The following GPC6 variants were observed in gnomAD, a reference collection of about 807,000 sequenced individuals.
GPC6 encodes glypican-6.
In GPC6, 14 loss-of-function variants were observed where a neutral mutation model predicts 55.2. That is an observed-to-expected ratio of 0.25 (90% CI 0.17 to 0.40). The LOEUF is 0.40. Among genes scored for constraint, GPC6 ranks in the 10% least tolerant of loss-of-function variants. The probability of loss-of-function intolerance (pLI) is 1.00; values close to 1 mark genes in which losing one functional copy is unlikely to be tolerated. For missense variants in GPC6, 641 were observed against 708.5 expected (o/e 0.90, Z 1.08); for synonymous variants, 278 against 259.6 (o/e 1.07, Z -0.68).
chr13:94,141,603 G>T (rs1386876501), intron 4 of GPC6, among the ~76,000 whole-genome samples: 1 of 152,108 alleles, frequency 6.6e-6, no homozygotes, highest in Non-Finnish European at 1.5e-5. Flanking sequence ...GGGCCCCCTT[G>T]ACCAAGAGGG....
At position 93,830,668 on chromosome 13, in the gene GPC6, T is replaced by G. The variant is rs536641390; in HGVS notation, c.711+123T>G. ...GGTAAAAATTCTTAATTGGTGGTCC[T>G]TGCTCTTAATCAGTTAAATATCAAA... On this transcript the variant is annotated intron_variant, in intron 3 of 8. Transcript: ENST00000377047. 4 of 818,066 alleles carry G rather than the reference T, an allele frequency of 4.9e-6. No homozygotes were observed. In the East Asian group the frequency reaches 1.1e-4, roughly 22 times the overall value. The allele number at this position is 818,066 out of a possible 1,614,324, so 50.7% of individuals were successfully genotyped here. A position where few individuals can be genotyped will look rare whatever the true frequency, so the allele number is the denominator to read the frequency against.
intron 4 of GPC6, among the ~76,000 whole-genome samples, chr13:94,047,964 C>A (rs1883790657): frequency 6.6e-6 from 1 of 151,842 alleles, no homozygotes; most frequent in Non-Finnish European, 1.5e-5. Context: ...AGATTTATTT[C>A]ACACACAAAG....
chr13:93,240,736 T>C (rs980894585), intron 1 of GPC6, among the ~76,000 whole-genome samples: 8 of 152,172 alleles, frequency 5.3e-5, no homozygotes, highest in African/African-American at 1.9e-4. Context: ...TTATAAGCAG[T>C]GAGTTTTATA....
intron 2 of GPC6, among the ~76,000 whole-genome samples, chr13:93,674,790 C>T (rs1423424373): frequency 6.6e-6 from 1 of 152,114 alleles, no homozygotes; most frequent in Non-Finnish European, 1.5e-5. Flanking sequence ...TAAACCAGCC[C>T]TGGTAATTGC....
intron 2 of GPC6, among the ~76,000 whole-genome samples, chr13:93,606,504 T>C (rs1222634507): frequency 6.6e-6 from 1 of 152,230 alleles, no homozygotes; most frequent in Non-Finnish European, 1.5e-5. Context: ...CAAGAAATTA[T>C]ATGGTTTGCC....
At chr13:93,826,433 C>A (rs1050885245) in intron 2 of GPC6, among the ~76,000 whole-genome samples, 2 of 152,032 alleles carry the variant, frequency 1.3e-5, no homozygotes, top group Non-Finnish European at 2.9e-5. Context: ...CTTTTCACTC[C>A]TTGGGTTCCG....
At chr13:93,917,716 G>C (rs944359542) in intron 3 of GPC6, among the ~76,000 whole-genome samples, 2 of 152,216 alleles carry the variant, frequency 1.3e-5, no homozygotes, top group African/African-American at 4.8e-5. Context: ...TGGAATGAAA[G>C]GTGTGGGTGC....
chr13:93,830,417 G>A lies in GPC6; in HGVS notation c.583G>A (p.Asp195Asn), dbSNP rs775902867. The A allele has an allele frequency of 6.2e-7, 1 of 1,613,834 alleles. No individual in the cohort carries two copies. Among genetic ancestry groups the A allele is most frequent in the East Asian group, 2.2e-5 (1 of 44,832 alleles). Residue 195 changes from aspartate (D) to asparagine (N), a missense_variant, in exon 3 of 9, where the codon GAC becomes AAC. Transcript: ENST00000377047. ...CCTGGAATGTGTGAGCAAATACACTGACCAGCTCAAGCCATTTGGAGACGT... is the reference window on the plus strand; with the variant it reads ...CCTGGAATGTGTGAGCAAATACACTAACCAGCTCAAGCCATTTGGAGACGT... ...DYLECVSKYT[D>N]QLKPFGDVPR...
intron 3 of GPC6, among the ~76,000 whole-genome samples, chr13:93,873,074 C>T (rs1436862511): frequency 1.3e-5 from 2 of 151,428 alleles, no homozygotes; most frequent in Non-Finnish European, 2.9e-5. Flanking sequence ...AACATACACC[C>T]TTTAACTACT....
chr13:93,218,238 A>T, the GPC6 span, among the ~76,000 whole-genome samples: 1 of 152,012 alleles, frequency 6.6e-6, no homozygotes, highest in African/African-American at 2.4e-5. Flanking sequence ...AGCAAGTTTT[A>T]AAAATGATTG....
chr13:94,118,466 G>C (rs1364437155), intron 4 of GPC6, among the ~76,000 whole-genome samples: 1 of 152,068 alleles, frequency 6.6e-6, no homozygotes, highest in Non-Finnish European at 1.5e-5. Context: ...AGCAGCATGA[G>C]AATGGACTAA....
chr13:93,605,634 C>T (rs1160555080), intron 2 of GPC6, among the ~76,000 whole-genome samples: 3 of 150,474 alleles, frequency 2.0e-5, no homozygotes, highest in Non-Finnish European at 2.9e-5. Flanking sequence ...GTCAGGAGTT[C>T]GAGACCAGCC....
At chr13:93,365,944 T>C (rs1392522620) in intron 1 of GPC6, among the ~76,000 whole-genome samples, 1 of 152,116 alleles carries the variant, frequency 6.6e-6, no homozygotes, top group Non-Finnish European at 1.5e-5. Context: ...ATATTGTTCA[T>C]GTTCTATTCT....
chr13:93,620,053 G>A (rs557447048), intron 2 of GPC6, among the ~76,000 whole-genome samples: 1 of 151,656 alleles, frequency 6.6e-6, no homozygotes, highest in South Asian at 2.1e-4. Context: ...GACTTATCAT[G>A]TAATTCTGAA....
At chr13:93,781,337 A>G (rs1885646226) in intron 2 of GPC6, among the ~76,000 whole-genome samples, 1 of 152,116 alleles carries the variant, frequency 6.6e-6, no homozygotes, top group African/African-American at 2.4e-5. Flanking sequence ...TTACTAACAA[A>G]AGTCTTTTTC....
At chr13:93,771,428 C>T (rs968755640) in intron 2 of GPC6, among the ~76,000 whole-genome samples, 1 of 152,054 alleles carries the variant, frequency 6.6e-6, no homozygotes, top group Admixed American at 6.6e-5. Flanking sequence ...CATCTCTCAT[C>T]GCATCTCATT....
intron 1 of GPC6, among the ~76,000 whole-genome samples, chr13:93,430,564 C>G: frequency 6.6e-6 from 1 of 152,092 alleles, no homozygotes; most frequent in Non-Finnish European, 1.5e-5. Context: ...GATTGAACAA[C>G]TTGTAGAATA....
At chr13:93,257,602 C>T (rs1417018693) in intron 1 of GPC6, among the ~76,000 whole-genome samples, 3 of 152,152 alleles carry the variant, frequency 2.0e-5, no homozygotes, top group Admixed American at 1.3e-4. Flanking sequence ...TTGTTTTAAA[C>T]TCTTGTAGTA....
chr13:94,193,384 G>A (rs977290571), intron 4 of GPC6, among the ~76,000 whole-genome samples: 1 of 152,076 alleles, frequency 6.6e-6, no homozygotes. Flanking sequence ...TTCAAATGCC[G>A]CTAATGTAAT....
Sources: gnomAD v4.1 joint callset for allele counts (sites outside exome capture counted in the v4.1 genomes callset) on GRCh38, gnomAD v4.1.1 for gene constraint, MANE v1.5 for transcripts, NCBI Gene and HGNC (gene_info 2026-07-23, HGNC 2026-07-21) for gene names.